Variants in SLC36A1 observed in about 807,000 individuals in gnomAD.
SLC36A1 encodes solute carrier family 36 member 1.
In SLC36A1, 30 loss-of-function variants were observed where a neutral mutation model predicts 47.5. The ratio of observed to expected loss-of-function variants is 0.63; its 90% confidence interval spans 0.47 to 0.86. The LOEUF is 0.86. SLC36A1 is among the 40% of genes least tolerant of loss of function. The pLI, the probability that SLC36A1 is intolerant of heterozygous loss-of-function variation, is 0.00. For missense variants in SLC36A1, 517 were observed against 606.0 expected, an observed-to-expected ratio of 0.85 and a Z score of 1.54; for synonymous variants, 255 against 249.7, an observed-to-expected ratio of 1.02 and a Z score of -0.20.
chr5:151,474,559 A>C (rs1321320504), intron 8 of SLC36A1, among the ~76,000 whole-genome samples: 1 of 152,224 alleles, frequency 6.6e-6, no homozygotes, highest in Admixed American at 6.5e-5. Context: ...ACACATGGTA[A>C]ATGTTTAATA....
At chr5:151,521,891 G>A in the SLC36A1 span, 23 of 1,613,910 alleles carry the variant, frequency 1.4e-5, no homozygotes, top group Non-Finnish European at 1.9e-5. Context: ...TCTTCTGCCA[G>A]GCTATAGGTC....
chr5:151,458,979 T>A, intron 2 of SLC36A1, 44 bp downstream of exon 2: 1 of 1,565,478 alleles, frequency 6.4e-7, no homozygotes, highest in Non-Finnish European at 8.7e-7. Context: ...GGATTCGTGT[T>A]CCTAAGCCTC....
chr5:151,469,274 A>C (rs1388386111), intron 7 of SLC36A1: 5 of 700,424 alleles, frequency 7.1e-6, no homozygotes, highest in Non-Finnish European at 1.3e-5. Flanking sequence ...CAGCCCATGT[A>C]AGTATATTGA....
chr5:151,529,943 T>G, the SLC36A1 span, among the ~76,000 whole-genome samples: 2 of 152,238 alleles, frequency 1.3e-5, no homozygotes, highest in Admixed American at 1.3e-4. Flanking sequence ...ACCAAATAGT[T>G]AATGGTGGAC....
intron 6 of SLC36A1, among the ~76,000 whole-genome samples, 190 bp downstream of exon 6, chr5:151,467,473 C>T (rs1440426375): frequency 2.0e-5 from 3 of 152,058 alleles, no homozygotes; most frequent in Non-Finnish European, 2.9e-5. Flanking sequence ...ATAGAGAAAC[C>T]GCCACATGTC....
chr5:151,410,381 A>G, the SLC36A1 span, among the ~76,000 whole-genome samples: 1 of 144,800 alleles, frequency 6.9e-6, no homozygotes, highest in African/African-American at 2.5e-5. Context: ...GAAAATATAA[A>G]CAAACAAATA....
chr5:151,365,103 T>C, the SLC36A1 span, among the ~76,000 whole-genome samples: 1 of 151,972 alleles, frequency 6.6e-6, no homozygotes, highest in Admixed American at 6.6e-5. Flanking sequence ...CTAAAACAAC[T>C]TAGAGAGTGG....
At chr5:151,521,186 C>T in the SLC36A1 span, 4 of 1,376,186 alleles carry the variant, frequency 2.9e-6, no homozygotes, top group Non-Finnish European at 3.9e-6. Context: ...CTGAACTCTC[C>T]CACAGAGCCT....
At chr5:151,422,597 G>A in the SLC36A1 span, among the ~76,000 whole-genome samples, 1 of 152,068 alleles carries the variant, frequency 6.6e-6, no homozygotes, top group Non-Finnish European at 1.5e-5. Flanking sequence ...GCATGGTGGT[G>A]CCTGCCTGTA....
At chr5:151,350,806 A>G in the SLC36A1 span, among the ~76,000 whole-genome samples, 1 of 151,840 alleles carries the variant, frequency 6.6e-6, no homozygotes, top group Non-Finnish European at 1.5e-5. Flanking sequence ...AGCTCAAGTG[A>G]TCCTCCCACC....
At chr5:151,543,100 G>A in the SLC36A1 span, 1 of 1,614,148 alleles carries the variant, frequency 6.2e-7, no homozygotes. Context: ...AAGTCGTACT[G>A]GCACCAGAGA....
At chr5:151,554,764 C>G in the SLC36A1 span, 1 of 996,338 alleles carries the variant, frequency 1.0e-6, no homozygotes, top group South Asian at 1.5e-5. Flanking sequence ...TCACTTTGTT[C>G]TTTGGTATGA....
chr5:151,474,159 C>CAA lies in SLC36A1; in HGVS notation c.822+407_822+408dup, dbSNP rs1156305401. On this transcript the variant is annotated intron_variant, in intron 8 of 10. Coordinates refer to ENST00000243389, the MANE Select transcript of SLC36A1 (RefSeq NM_078483.4). ...TGGGTGACAGAGCGAGACTCTGTCT[C>CAA]AAAAAAAAAAAAAAAAAAAAGAAAT... Among the ~76,000 whole-genome samples, 51 of 59,846 alleles carry CAA rather than the reference C, an allele frequency of 8.5e-4. 3 individuals carry two copies. The highest frequency in any genetic ancestry group is 1.9e-3 in the Admixed American group (10 of 5,324). The allele number at this position is 59,846 out of a possible 152,430, so 39.3% of individuals were successfully genotyped here. A position where few individuals can be genotyped will look rare whatever the true frequency, so the allele number is the denominator to read the frequency against.
chr5:151,517,213 A>T, the SLC36A1 span, among the ~76,000 whole-genome samples: 2 of 152,292 alleles, frequency 1.3e-5, no homozygotes, highest in South Asian at 4.1e-4. Flanking sequence ...CAAATAACTG[A>T]ATGATTATTA....
At chr5:151,531,644 C>T in the SLC36A1 span, 100 of 1,613,708 alleles carry the variant, frequency 6.2e-5, no homozygotes, top group Admixed American at 1.0e-4. This position sits in a 1 kb window ranked among gnomAD's most constrained non-coding sequence, Gnocchi z 5.7. Context: ...ACGCGGTAGC[C>T]GGTCTTCTCT....
intron 2 of SLC36A1, among the ~76,000 whole-genome samples, chr5:151,463,179 CT>C (rs1297514920): frequency 1.3e-5 from 2 of 152,306 alleles, no homozygotes; most frequent in Non-Finnish European, 2.9e-5. Context: ...CTGGCCAGGT[CT>C]GAGCCTTTAC....
At chr5:151,378,794 C>T in the SLC36A1 span, among the ~76,000 whole-genome samples, 1 of 152,190 alleles carries the variant, frequency 6.6e-6, no homozygotes, top group Non-Finnish European at 1.5e-5. Context: ...CCACCTGCCA[C>T]CTCTACCCAC....
chr5:151,382,161 G>A, the SLC36A1 span: 2 of 972,848 alleles, frequency 2.1e-6, no homozygotes, highest in South Asian at 1.3e-5. Flanking sequence ...TGAATTGAAG[G>A]CTTTGGTGTG....
the SLC36A1 span, among the ~76,000 whole-genome samples, chr5:151,413,866 CGT>C: frequency 6.6e-6 from 1 of 151,806 alleles, no homozygotes; most frequent in African/African-American, 2.4e-5. Context: ...TATTTATACA[CGT>C]ATATATATGT....
Sources: allele counts gnomAD v4.1 joint callset (sites outside exome capture counted in the v4.1 genomes callset), GRCh38; gene constraint gnomAD v4.1.1; non-coding constraint Gnocchi (gnomAD v3.1); transcripts MANE v1.5; gene names NCBI Gene and HGNC (gene_info 2026-07-23, HGNC 2026-07-21).